The following SH3BP4 variants were observed in gnomAD, a reference collection of about 807,000 sequenced individuals.
The protein encoded by SH3BP4 is SH3 domain binding protein 4, also known as SH3 domain-binding protein 4.
In SH3BP4, 33 loss-of-function variants were observed where a neutral mutation model predicts 65.5. That is an observed-to-expected ratio of 0.50 (90% CI 0.38 to 0.67). The LOEUF is 0.67. SH3BP4 is among the 30% of genes least tolerant of loss of function. The probability of loss-of-function intolerance (pLI) is 0.00; values close to 1 mark genes in which losing one functional copy is unlikely to be tolerated. For missense variants in SH3BP4, 1,134 were observed against 1,261.4 expected, an observed-to-expected ratio of 0.90 and a Z score of 1.53; for synonymous variants, 552 against 545.5, an observed-to-expected ratio of 1.01 and a Z score of -0.17.
At chr2:234,989,918 C>T (rs558978075) in intron 1 of SH3BP4, among the ~76,000 whole-genome samples, 23 of 152,254 alleles carry the variant, frequency 1.5e-4, no homozygotes, top group Admixed American at 2.6e-4. Flanking sequence ...ATCCAAAATG[C>T]TGCAAACTCT....
intron 1 of SH3BP4, among the ~76,000 whole-genome samples, chr2:234,994,052 T>C (rs919205340): frequency 6.6e-6 from 1 of 152,260 alleles, no homozygotes; most frequent in African/African-American, 2.4e-5. Context: ...TGCACATCGC[T>C]TGTACCCTTA....
In SH3BP4 at chr2:235,026,914, G is replaced by A. The variant is rs1044484521; in HGVS notation, c.-132-7957G>A. Among the ~76,000 whole-genome samples, 3 of 152,186 alleles carry A rather than the reference G, an allele frequency of 2.0e-5. No individual in the cohort carries two copies. Among genetic ancestry groups the A allele is most frequent in the African/African-American group, 7.2e-5 (3 of 41,456 alleles). ...TTTCTCCCCCAGGAAGAGGCAGCCC[G>A]CCCGAGCCCCAGGCAGCATGTTCCT... On this transcript the variant is annotated intron_variant, in intron 2 of 5. Transcript: ENST00000392011. The surrounding 1 kb of genome is among the most constrained non-coding windows in gnomAD (Gnocchi z 4.6).
intron 2 of SH3BP4, among the ~76,000 whole-genome samples, chr2:235,025,283 C>G (rs184550325): frequency 6.6e-6 from 1 of 152,238 alleles, no homozygotes; most frequent in Non-Finnish European, 1.5e-5. Context: ...AGAGCTTTGA[C>G]CCAGGAGCGC....
At chr2:235,039,169 A>AGACG (rs1386656163) in intron 3 of SH3BP4, among the ~76,000 whole-genome samples, 1 of 152,184 alleles carries the variant, frequency 6.6e-6, no homozygotes, top group Non-Finnish European at 1.5e-5. Flanking sequence ...ACACCCAGAT[A>AGACG]GACGGGCCTG....
At chr2:235,048,945 T>A (rs1003839996) in intron 4 of SH3BP4, among the ~76,000 whole-genome samples, 2 of 152,210 alleles carry the variant, frequency 1.3e-5, no homozygotes, top group Non-Finnish European at 2.9e-5. Flanking sequence ...AGGATCAAGT[T>A]CATAGAGCTA....
intron 1 of SH3BP4, among the ~76,000 whole-genome samples, chr2:234,987,065 C>CCCTG (rs112656687): frequency 1.3e-5 from 2 of 151,896 alleles, no homozygotes; most frequent in Non-Finnish European, 2.9e-5. Flanking sequence ...AGCCACCCCG[C>CCCTG]CCGGCCTGCT....
chr2:235,028,169 G>T (rs1278320354), intron 2 of SH3BP4, among the ~76,000 whole-genome samples: 2 of 152,188 alleles, frequency 1.3e-5, no homozygotes, highest in South Asian at 2.1e-4. Context: ...GCTCAAATGC[G>T]CCTTCCTGTC....
In SH3BP4 at chr2:234,991,866, G is replaced by A. The variant is rs375042672; in HGVS notation, c.-206-3437G>A. Among the ~76,000 whole-genome samples, 3 of 152,324 alleles carry A rather than the reference G, an allele frequency of 2.0e-5. No individual in the cohort carries two copies. The highest frequency in any genetic ancestry group is 7.2e-5 in the African/African-American group (3 of 41,570). The stretch of plus-strand genomic sequence containing the variant: ...CACTGAGGGGCTAGTGGTGCCACAT[G>A]TGCACCTGTCCCTGCCCAGGGTCCA... On this transcript the variant is annotated intron_variant, in intron 1 of 5. Transcript: ENST00000392011. This position sits in a 1 kb window ranked among gnomAD's most constrained non-coding sequence, Gnocchi z 4.2.
At chr2:235,022,262 G>T (rs1280655229) in intron 2 of SH3BP4, among the ~76,000 whole-genome samples, 4 of 152,176 alleles carry the variant, frequency 2.6e-5, no homozygotes, top group Admixed American at 1.3e-4. Flanking sequence ...ATAAGAAGTA[G>T]TTGCTACTTG....
intron 2 of SH3BP4, among the ~76,000 whole-genome samples, chr2:235,031,680 T>A (rs1292987379): frequency 6.6e-6 from 1 of 152,250 alleles, no homozygotes; most frequent in Non-Finnish European, 1.5e-5. Flanking sequence ...CCACCTGTTC[T>A]TAGGCCTTCC....
intron 2 of SH3BP4, among the ~76,000 whole-genome samples, chr2:235,008,022 A>G (rs560329257): frequency 1.3e-5 from 2 of 152,266 alleles, no homozygotes; most frequent in South Asian, 2.1e-4. Flanking sequence ...CCTGTGGGAA[A>G]GGGAGAGTCG....
Position 235,045,384 on chromosome 2 carries a change from T to C in SH3BP4, c.2478+2137T>C, listed in dbSNP as rs75811661. Among the ~76,000 whole-genome samples, 793 of 152,278 alleles carry C rather than the reference T, an allele frequency of 5.2e-3. 6 individuals are homozygous for C. Among genetic ancestry groups the C allele is most frequent in the African/African-American group, 0.019 (775 of 41,534 alleles). ...TCATTTTCCTGCTTTTTTATCTTTTTCCAAAAGACATAAATGATCAAACTC... is the reference window on the plus strand; with the variant it reads ...TCATTTTCCTGCTTTTTTATCTTTTCCCAAAAGACATAAATGATCAAACTC... On this transcript the variant is annotated intron_variant, in intron 4 of 5. Coordinates refer to ENST00000392011, the MANE Select transcript of SH3BP4 (RefSeq NM_014521.3). This position sits in a 1 kb window ranked among gnomAD's most constrained non-coding sequence, Gnocchi z 4.3.
At chr2:235,007,038 G>A (rs940928550) in intron 2 of SH3BP4, among the ~76,000 whole-genome samples, 2 of 152,110 alleles carry the variant, frequency 1.3e-5, no homozygotes, top group African/African-American at 4.8e-5. Flanking sequence ...GCCTGGCCAC[G>A]GGTAAAGGAT....
chr2:235,018,540 C>T (rs1219837228), intron 2 of SH3BP4, among the ~76,000 whole-genome samples: 1 of 152,196 alleles, frequency 6.6e-6, no homozygotes, highest in African/African-American at 2.4e-5. Context: ...TCCACCCCTC[C>T]ATGATCTTTG....
intron 3 of SH3BP4, among the ~76,000 whole-genome samples, chr2:235,038,266 TATATATA>T (rs1418759919): frequency 0.08 from 2,204 of 27,478 alleles, 158 homozygotes; most frequent in African/African-American, 0.1. Flanking sequence ...TAATATATAT[TATATATA>T]ATATATATTA....
Position 235,042,662 on chromosome 2 carries a change from C to T in SH3BP4, c.1893C>T (p.Val631=), listed in dbSNP as rs772132725. 25 of 1,614,152 alleles carry T rather than the reference C, an allele frequency of 1.5e-5. No individual in the cohort carries two copies. The highest frequency in any genetic ancestry group is 1.8e-5 in the Non-Finnish European group (21 of 1,180,034). ...GQRRFLKKNE[V]GKIILSPFAT... is the part of the protein sequence containing the mutation. ...GGAGGTTTCTCAAGAAGAACGAAGT[C>T]GGGAAAATCATCCTGTCCCCGTTTG... The change falls in exon 4 of 6, where the codon GTC becomes GTT. Residue 631 remains valine, a synonymous_variant. Coordinates refer to ENST00000392011, the MANE Select transcript of SH3BP4 (RefSeq NM_014521.3). The surrounding 1 kb of genome is among the most constrained non-coding windows in gnomAD (Gnocchi z 7.3).
At position 235,041,267 on chromosome 2, in the gene SH3BP4, G is replaced by C; in HGVS notation, c.498G>C (p.Gln166His). 1 of 1,614,168 alleles carries C rather than the reference G, an allele frequency of 6.2e-7. No individual in the cohort carries two copies. The highest frequency in any genetic ancestry group is 1.1e-5 in the South Asian group (1 of 91,074). The change falls in exon 4 of 6, where the codon CAG becomes CAC. Residue 166 changes from glutamine to histidine, a missense_variant. By Grantham distance (24) the Gln-to-His change is conservative (BLOSUM62 0). Transcript: ENST00000392011. The surrounding 1 kb of genome is among the most constrained non-coding windows in gnomAD (Gnocchi z 6.0). ...ATAACCCTTTCTGGAATGGGGTCCA[G>C]ACCAATCCATTTCTGAATGGGAACG... ...YSNNPFWNGV[Q>H]TNPFLNGNVP... is the part of the protein sequence containing the mutation.
At chr2:234,983,270 C>A (rs984886627) in intron 1 of SH3BP4, 1 of 152,226 alleles carries the variant, frequency 6.6e-6, no homozygotes, top group Non-Finnish European at 1.5e-5. Flanking sequence ...TCTGAGTTCC[C>A]GTCTGTCCAC....
intron 1 of SH3BP4, among the ~76,000 whole-genome samples, chr2:234,971,351 T>G (rs564713888): frequency 6.6e-6 from 1 of 152,368 alleles, no homozygotes; most frequent in East Asian, 1.9e-4. Context: ...CTGCATAATA[T>G]TCCATTATAT....
Sources: allele counts gnomAD v4.1 joint callset (sites outside exome capture counted in the v4.1 genomes callset), GRCh38; gene constraint gnomAD v4.1.1; non-coding constraint Gnocchi (gnomAD v3.1); transcripts MANE v1.5; gene names NCBI Gene and HGNC (gene_info 2026-07-23, HGNC 2026-07-21).